MFSD12: variants seen among roughly 807,000 people sequenced by gnomAD.
MFSD12 encodes major facilitator superfamily domain containing 12, also known as major facilitator superfamily domain-containing protein 12.
In MFSD12, 67 loss-of-function variants were observed where a neutral mutation model predicts 51.2. That is an observed-to-expected ratio of 1.31 (90% CI 1.08 to 1.60). MFSD12 has a LOEUF of 1.60. Among genes scored for constraint, MFSD12 ranks in the 40% most tolerant of loss-of-function variants. The pLI is 0.00. For synonymous variants in MFSD12, 441 were observed against 316.7 expected (o/e 1.39, Z -4.17); for missense variants, 921 against 673.0 (o/e 1.37, Z -4.08).
Position 3,546,409 on chromosome 19 carries a change from C to T in MFSD12, c.1040G>A (p.Gly347Asp). ...GGCAAAGGCCAGGATCACCAGGAGG[C>T]CTGAGAAGTAGGTCATCTGCAGGGA... ...CIGRNMTYFS[G>D]LLVILAFAAW... Residue 347 changes from glycine to aspartate, a missense_variant, in exon 7 of 10, where the codon GGC becomes GAC. By Grantham distance (94) the Gly-to-Asp change is moderately conservative (BLOSUM62 -1). Transcript: ENST00000355415. 3 of 1,606,690 alleles carry T rather than the reference C, an allele frequency of 1.9e-6. No homozygotes were observed. The highest frequency in any genetic ancestry group is 2.5e-6 in the Non-Finnish European group (3 of 1,177,326).
chr19:3,543,884 G>T (rs959279504), downstream of MFSD12: 1 of 1,550,674 alleles, frequency 6.4e-7, no homozygotes, highest in East Asian at 2.4e-5. Context: ...CAGACTACGT[G>T]CCCTCCCTGT....
In MFSD12 at chr19:3,544,386, T is replaced by C. The variant is rs2030757282; in HGVS notation, c.*324A>G. ...GCTGGAGGTGAGGGGTGAACTGGAC[T>C]GAGCTCAGGGTTAGGGTTCCCCCAG... On this transcript the variant is annotated 3_prime_UTR_variant, in exon 10 of 10. Transcript: ENST00000355415. 2 of 1,296,816 alleles carry C rather than the reference T, an allele frequency of 1.5e-6. No homozygotes were observed. Among genetic ancestry groups the C allele is most frequent in the African/African-American group, 3.0e-5 (2 of 66,804 alleles). 80.3% of individuals were successfully genotyped at this position (1,296,816 alleles called of 1,614,324 possible). A position where few individuals can be genotyped will look rare whatever the true frequency, so the allele number is the denominator to read the frequency against.
Position 3,539,185 on chromosome 19 carries a change from C to A in MFSD12, c.*6-429G>T, listed in dbSNP as rs577683034. On this transcript the variant is annotated intron_variant, in intron 4 of 4. Coordinates refer to the MFSD12 transcript ENST00000398558. ...CGGGGGATCCAGGCAGACATGCAAACCCTCAGGCAAGAGGCTGCACGGCCC... is the reference window on the plus strand; with the variant it reads ...CGGGGGATCCAGGCAGACATGCAAAACCTCAGGCAAGAGGCTGCACGGCCC... 2.1e-5 allele frequency: 33 copies of A among 1,550,350 alleles called. No homozygotes were observed. In the Admixed American group the frequency reaches 5.3e-4, roughly 25 times the overall value.
chr19:3,551,158 A>C lies in MFSD12; in HGVS notation c.335T>G (p.Phe112Cys). 6.2e-7 allele frequency: 1 copy of C among 1,612,228 alleles called. No homozygotes were observed. The highest frequency in any genetic ancestry group is 8.5e-7 in the Non-Finnish European group (1 of 1,179,694). ...VCVLLSFPFIFSPCLGCGAAT... is the reference protein window; with the variant it reads ...VCVLLSFPFICSPCLGCGAAT... ...CGCCCCACAGCCCAGGCAGGGGCTG[A>C]AGATGAAGGGGAAGGACAGCAGGAC... The change falls in exon 2 of 10, where the codon TTC becomes TGC. Residue 112 changes from phenylalanine to cysteine, a missense_variant. Transcript: ENST00000355415. This position sits in a 1 kb window ranked among gnomAD's most constrained non-coding sequence, Gnocchi z 4.6.
chr19:3,554,163 G>A (rs890952592), intron 1 of MFSD12, among the ~76,000 whole-genome samples: 1 of 151,916 alleles, frequency 6.6e-6, no homozygotes, highest in African/African-American at 2.4e-5. Context: ...ATGGCCAGGC[G>A]TGGTTGCTCA....
chr19:3,548,062 C>A (rs766521612), intron 3 of MFSD12, 32 bp from the exon 4 acceptor site: 1 of 1,598,880 alleles, frequency 6.3e-7, no homozygotes, highest in Non-Finnish European at 8.5e-7. Context: ...TCAGTGGTGG[C>A]GGGCCCAGCC....
chr19:3,544,830 A>G lies in MFSD12; in HGVS notation c.1399T>C (p.Trp467Arg), dbSNP rs751661455. 8 of 1,612,406 alleles carry G rather than the reference A, an allele frequency of 5.0e-6. No homozygotes were observed. The highest frequency in any genetic ancestry group is 6.8e-6 in the Non-Finnish European group (8 of 1,179,670). The change falls in exon 9 of 10, where the codon TGG (tryptophan) becomes CGG (arginine). Residue 467 changes from tryptophan (W) to arginine (R), a missense_variant. Physicochemically the swap from Trp to Arg is moderately radical, Grantham distance 101. Coordinates refer to ENST00000355415, the MANE Select transcript of MFSD12 (RefSeq NM_174983.5). The stretch of plus-strand genomic sequence containing the variant: ...TCACAGCGTCGCAGGCGGGTCGGCC[A>G]CAGCAGGAGGCTACAGAGACACAGG... Reference protein sequence around the residue: ...AALCLCSLLLWPTRLRRWDRD... With the variant: ...AALCLCSLLLRPTRLRRWDRD...
Position 3,551,318 on chromosome 19 carries a change from C to A in MFSD12, c.299-124G>T. On this transcript the variant is annotated intron_variant, in intron 1 of 9. Coordinates refer to ENST00000355415, the MANE Select transcript of MFSD12 (RefSeq NM_174983.5). The surrounding 1 kb of genome is among the most constrained non-coding windows in gnomAD (Gnocchi z 4.6). The stretch of plus-strand genomic sequence containing the variant: ...GATGGAGACGCCCCCCGCATGCACA[C>A]AGTCACGCAGGAGCGAGGGTCTGCA... The A allele has an allele frequency of 1.4e-6, 1 of 739,612 alleles. No homozygotes were observed. Among genetic ancestry groups the A allele is most frequent in the East Asian group, 2.8e-5 (1 of 36,090 alleles). The allele number at this position is 739,612 out of a possible 1,614,324, so 45.8% of individuals were successfully genotyped here.
chr19:3,550,937 G>A lies in MFSD12; in HGVS notation c.509+47C>T, dbSNP rs187709324. On this transcript the variant is annotated intron_variant, in intron 2 of 9. Coordinates refer to ENST00000355415, the MANE Select transcript of MFSD12 (RefSeq NM_174983.5). ...ATGCAGTGCCACTGACTGATACACCGAGCCGGGGCCCACCCTGCCCGTGGG... is the reference window on the plus strand; with the variant it reads ...ATGCAGTGCCACTGACTGATACACCAAGCCGGGGCCCACCCTGCCCGTGGG... 2.9e-4 allele frequency: 451 copies of A among 1,549,484 alleles called. 2 individuals are homozygous for A. The East Asian group carries it at 7.5e-3, about 26-fold the overall frequency.
In MFSD12 at chr19:3,544,349, G is replaced by A. The variant is rs1276992897; in HGVS notation, c.*361C>T. The A allele has an allele frequency of 1.6e-5, 20 of 1,272,886 alleles. No individual in the cohort carries two copies. Among genetic ancestry groups the A allele is most frequent in the Admixed American group, 1.5e-4 (4 of 26,440 alleles). The allele number at this position is 1,272,886 out of a possible 1,614,324, so 78.8% of individuals were successfully genotyped here. A position where few individuals can be genotyped will look rare whatever the true frequency, so the allele number is the denominator to read the frequency against. ...TCCTGAGGGGGCCCTGGCAGTGTCT[G>A]GAGACCCCCAGGCTGGAGGTGAGGG... On this transcript the variant is annotated 3_prime_UTR_variant, in exon 10 of 10. Coordinates refer to ENST00000355415, the MANE Select transcript of MFSD12 (RefSeq NM_174983.5).
downstream of MFSD12, among the ~76,000 whole-genome samples, chr19:3,540,963 G>A (rs1175464063): frequency 6.6e-6 from 1 of 151,464 alleles, no homozygotes; most frequent in African/African-American, 2.4e-5. Context: ...GAGGTCAGGA[G>A]ATCAAGACCA....
intron 8 of MFSD12, 111 bp from the exon 9 acceptor site, chr19:3,545,050 C>G: frequency 2.8e-6 from 4 of 1,410,038 alleles, no homozygotes; most frequent in Admixed American, 4.8e-5. Context: ...CTGTCCAATC[C>G]AGGAGCTGGG....
downstream of MFSD12, chr19:3,539,255 G>GTACAGGTGAGCCCCTCCC: frequency 2.5e-5 from 39 of 1,547,714 alleles, no homozygotes; most frequent in African/African-American, 3.2e-4. Context: ...CAGCACCGCT[G>GTACAGGTGAGCCCCTCCC]TACAGGTGAG....
chr19:3,555,631 T>C (rs570522296), intron 1 of MFSD12, among the ~76,000 whole-genome samples: 1 of 152,184 alleles, frequency 6.6e-6, no homozygotes, highest in East Asian at 1.9e-4. Context: ...CCTGCCACCC[T>C]CAGACCACTG....
At chr19:3,554,785 A>G (rs1715093) in intron 1 of MFSD12, among the ~76,000 whole-genome samples, 77,949 of 152,190 alleles carry the variant, frequency 0.51, 20,395 homozygotes, top group East Asian at 0.84. Flanking sequence ...TAAAGGGCAA[A>G]GTGAGTCCTT....
At chr19:3,549,885 A>G (rs552201640) in intron 2 of MFSD12, among the ~76,000 whole-genome samples, 5 of 152,106 alleles carry the variant, frequency 3.3e-5, no homozygotes, top group African/African-American at 1.2e-4. Flanking sequence ...ACAAAAAAAA[A>G]ATTAGCCGAG....
rs1282757257 is a variant in MFSD12 at position 3,538,608 on chromosome 19, CAG to C, written c.*152_*153del. ...GGTGCATCCGCACTGTGGCCTGGGT[CAG>C]AGCTTCGCACCTCCTTGTGGCTGAG... On this transcript the variant is annotated 3_prime_UTR_variant, in exon 5 of 5. Transcript: ENST00000398558. 3.4e-5 allele frequency: 15 copies of C among 442,280 alleles called. No homozygotes were observed. The Admixed American group carries it at 3.4e-4, about 10-fold the overall frequency. The allele number at this position is 442,280 out of a possible 1,614,324, so 27.4% of individuals were successfully genotyped here. A position where few individuals can be genotyped will look rare whatever the true frequency, so the allele number is the denominator to read the frequency against.
intron 2 of MFSD12, among the ~76,000 whole-genome samples, chr19:3,550,431 G>A (rs539673877): frequency 3.0e-4 from 46 of 151,150 alleles, no homozygotes; most frequent in East Asian, 1.2e-3. Context: ...TCGCTCTGTC[G>A]CCCAGGCTGG....
At chr19:3,556,161 C>T (rs926886481) in intron 1 of MFSD12, among the ~76,000 whole-genome samples, 3 of 152,264 alleles carry the variant, frequency 2.0e-5, no homozygotes, top group Admixed American at 1.3e-4. Flanking sequence ...AAACTGCTGA[C>T]GCACCAGGTT....
Sources: allele counts gnomAD v4.1 joint callset (sites outside exome capture counted in the v4.1 genomes callset), GRCh38; gene constraint gnomAD v4.1.1; non-coding constraint Gnocchi (gnomAD v3.1); transcripts MANE v1.5; gene names NCBI Gene and HGNC (gene_info 2026-07-23, HGNC 2026-07-21).